ESYT3: variants seen among roughly 807,000 people sequenced by gnomAD.
ESYT3 encodes the protein extended synaptotagmin-3.
A neutral mutation model predicts 111.5 loss-of-function variants in ESYT3; 101 were observed. The observed-to-expected ratio is 0.91, with a 90% CI of 0.77 to 1.07. ESYT3 has a LOEUF of 1.07. Ranked by LOEUF, ESYT3 falls within the 50% of genes least tolerant of loss-of-function variation. ESYT3 has a pLI of 0.00. For missense variants in ESYT3, 1,097 were observed against 1,109.4 expected, an observed-to-expected ratio of 0.99 and a Z score of 0.16; for synonymous variants, 416 against 446.8, an observed-to-expected ratio of 0.93 and a Z score of 0.87.
intron 1 of ESYT3, among the ~76,000 whole-genome samples, chr3:138,443,329 G>A (rs942725544): frequency 6.6e-5 from 10 of 152,340 alleles, no homozygotes; most frequent in African/African-American, 2.4e-4. Flanking sequence ...TTTAAAAGTA[G>A]TTTTAATGGT....
At chr3:138,464,289 C>T (rs2032806934) in intron 8 of ESYT3, 56 bp from the exon 9 acceptor site, 2 of 1,592,120 alleles carry the variant, frequency 1.3e-6, no homozygotes, top group South Asian at 1.1e-5. Flanking sequence ...TCTGATACTC[C>T]AGGACTTGGA....
In ESYT3 at chr3:138,470,907, G is replaced by A. The variant is rs2108627425; in HGVS notation, c.1621G>A (p.Gly541Arg). 6.2e-7 allele frequency: 1 copy of A among 1,614,138 alleles called. No homozygotes were observed. The highest frequency in any genetic ancestry group is 8.5e-7 in the Non-Finnish European group (1 of 1,180,014). Residue 541 changes from glycine to arginine, a missense_variant, in exon 17 of 23, where the codon GGA becomes AGA. Gly to Arg is a moderately radical substitution (Grantham distance 125). Transcript: ENST00000389567. ...TGATGATGACCAGGAGTGTGCTCTG[G>A]GAATGCTGGAGGTCCCCCTGTGCCA... Reference protein sequence around the residue: ...VLDDDQECALGMLEVPLCQIL... With the variant: ...VLDDDQECALRMLEVPLCQIL...
chr3:138,459,127 CT>C, intron 4 of ESYT3, 59 bp from the exon 5 acceptor site: 2 of 1,395,874 alleles, frequency 1.4e-6, no homozygotes, highest in Non-Finnish European at 1.9e-6. Context: ...GTTTCCCAAC[CT>C]TTCTGAGCAA....
intron 20 of ESYT3, chr3:138,474,726 A>T (rs1032753958): frequency 6.3e-6 from 1 of 159,156 alleles, no homozygotes; most frequent in African/African-American, 2.4e-5. Context: ...GTTTCCTCTA[A>T]AGCTTGAAGC....
In ESYT3 at chr3:138,479,107, A is replaced by G. The variant is rs549637429; in HGVS notation, c.*2253A>G. ...CAAAAACAGACTTTAAAAAAAATAC[A>G]AAGTACACAGGAATATCAAACTGAA... On this transcript the variant is annotated 3_prime_UTR_variant, in exon 23 of 23. Transcript: ENST00000389567. The G allele has an allele frequency of 6.6e-6, 1 of 152,368 alleles. No individual in the cohort carries two copies. Among genetic ancestry groups the G allele is most frequent in the Non-Finnish European group, 1.5e-5 (1 of 68,046 alleles). 9.4% of individuals were successfully genotyped at this position (152,368 alleles called of 1,614,324 possible).
chr3:138,459,867 A>C, intron 5 of ESYT3, 78 bp from the exon 6 acceptor site: 1 of 1,254,060 alleles, frequency 8.0e-7, no homozygotes. Context: ...ATGAGGCAGC[A>C]GATGGCCTCA....
intron 7 of ESYT3, among the ~76,000 whole-genome samples, 195 bp downstream of exon 7, chr3:138,460,861 A>G (rs543631182): frequency 6.6e-6 from 1 of 151,920 alleles, no homozygotes; most frequent in South Asian, 2.1e-4. Context: ...TGCCCAGCAC[A>G]CCCCCCGCCC....
chr3:138,474,448 G>A, intron 20 of ESYT3, 96 bp downstream of exon 20: 1 of 1,388,460 alleles, frequency 7.2e-7, no homozygotes, highest in South Asian at 1.4e-5. Context: ...ATGCTGGAAG[G>A]GGCTATGGCT....
chr3:138,465,151 A>C (rs1205559551), intron 9 of ESYT3, among the ~76,000 whole-genome samples, 188 bp from the exon 10 acceptor site: 1 of 152,192 alleles, frequency 6.6e-6, no homozygotes, highest in Non-Finnish European at 1.5e-5. Context: ...CATGGCTTGC[A>C]CATGTTTTCT....
intron 1 of ESYT3, among the ~76,000 whole-genome samples, chr3:138,443,067 C>T (rs2031276158): frequency 6.6e-6 from 1 of 152,128 alleles, no homozygotes; most frequent in South Asian, 2.1e-4. Context: ...CAGGGCCACC[C>T]CCCTCTGCTT....
chr3:138,461,180 T>C (rs534997737), intron 7 of ESYT3, among the ~76,000 whole-genome samples: 42 of 152,270 alleles, frequency 2.8e-4, no homozygotes, highest in African/African-American at 8.9e-4. Context: ...TGGTGGCACA[T>C]TGGGTGTGGA....
At chr3:138,460,330 C>T (rs184854655) in intron 6 of ESYT3, among the ~76,000 whole-genome samples, 162 of 152,346 alleles carry the variant, frequency 1.1e-3, no homozygotes, top group Middle Eastern at 3.4e-3. Context: ...GACGATCCTA[C>T]TCCTGTAGGG....
chr3:138,473,243 C>A, intron 18 of ESYT3: 1 of 797,508 alleles, frequency 1.3e-6, no homozygotes, highest in Non-Finnish European at 1.7e-6. Flanking sequence ...TCACAATAAC[C>A]CTACAAGATG....
In ESYT3 at chr3:138,457,611, A is replaced by G. The variant is rs933550293; in HGVS notation, c.548A>G (p.Asn183Ser). Residue 183 changes from asparagine to serine, a missense_variant, in exon 4 of 23, where the codon AAC becomes AGC. Physicochemically the swap from Asn to Ser is conservative, Grantham distance 46. Transcript: ENST00000389567. ...NGVKAHTNTC[N>S]RRRVTVDLQI... The stretch of plus-strand genomic sequence containing the variant: ...GTCAAGGCACACACTAATACGTGCA[A>G]CCGAAGACGTGTGACTGTGGACCTG... 3 of 1,614,124 alleles carry G rather than the reference A, an allele frequency of 1.9e-6. No individual in the cohort carries two copies. Among genetic ancestry groups the G allele is most frequent in the South Asian group, 1.1e-5 (1 of 91,076 alleles).
chr3:138,471,138 T>A (rs911814521), intron 17 of ESYT3, 112 bp downstream of exon 17: 2 of 830,558 alleles, frequency 2.4e-6, no homozygotes, highest in Non-Finnish European at 3.9e-6. Flanking sequence ...AGCCAGGAGA[T>A]GGATTCATGT....
intron 8 of ESYT3, among the ~76,000 whole-genome samples, chr3:138,462,878 G>C (rs1322526798): frequency 6.6e-6 from 1 of 152,088 alleles, no homozygotes; most frequent in Non-Finnish European, 1.5e-5. Context: ...GGCCAGGCTG[G>C]TCTCAAACTC....
intron 8 of ESYT3, among the ~76,000 whole-genome samples, chr3:138,463,315 G>A (rs747872864): frequency 6.6e-6 from 1 of 151,892 alleles, no homozygotes; most frequent in Non-Finnish European, 1.5e-5. Flanking sequence ...GGCTGGTCTC[G>A]AACTTCTGAC....
At position 138,479,658 on chromosome 3, in the gene ESYT3, C is replaced by T. The variant is rs1001146897; in HGVS notation, c.*2804C>T. The stretch of plus-strand genomic sequence containing the variant: ...TCACCTAAGTACCCCCACAGTTTAC[C>T]CTTGGCTCATGGCCTTCATGTTTTA... On this transcript the variant is annotated 3_prime_UTR_variant, in exon 23 of 23. Coordinates refer to ENST00000389567, the MANE Select transcript of ESYT3 (RefSeq NM_031913.5). 5 of 152,194 alleles carry T rather than the reference C, an allele frequency of 3.3e-5. No homozygotes were observed. The highest frequency in any genetic ancestry group is 1.3e-4 in the Admixed American group (2 of 15,268). The allele number at this position is 152,194 out of a possible 1,614,324, so 9.4% of individuals were successfully genotyped here.
Position 138,473,615 on chromosome 3 carries a change from G to A in ESYT3, c.2317G>A (p.Val773Met), listed in dbSNP as rs749946445. The A allele has an allele frequency of 2.2e-5, 36 of 1,613,516 alleles. No individual in the cohort carries two copies. Among genetic ancestry groups the A allele is most frequent in the East Asian group, 6.7e-5 (3 of 44,880 alleles). ...RYVCLRRCLS[V>M]LINGCRNLTP... ...TGTGTGTCTGCGGCGCTGCCTCAGC[G>A]TGCTAATCAATGGCTGCAGGTAAAG... is the stretch of plus-strand genomic sequence containing the variant. The change falls in exon 19 of 23, where the codon GTG becomes ATG. Residue 773 changes from valine (V) to methionine (M), a missense_variant. Physicochemically the swap from Val to Met is conservative, Grantham distance 21. Transcript: ENST00000389567.
Sources: allele counts gnomAD v4.1 joint callset (sites outside exome capture counted in the v4.1 genomes callset), GRCh38; gene constraint gnomAD v4.1.1; transcripts MANE v1.5; gene names NCBI Gene and HGNC (gene_info 2026-07-23, HGNC 2026-07-21).